KIAA0586: variants seen among roughly 807,000 people sequenced by gnomAD.
KIAA0586 encodes the protein KIAA0586.
A neutral mutation model predicts 169.8 loss-of-function variants in KIAA0586; 144 were observed. The ratio of observed to expected loss-of-function variants is 0.85; its 90% confidence interval spans 0.74 to 0.97. The LOEUF (loss-of-function observed/expected upper bound fraction) is 0.97, where lower values mean the gene tolerates loss of function less well. KIAA0586 is among the 50% of genes least tolerant of loss of function. The probability of loss-of-function intolerance (pLI) is 0.00; values close to 1 mark genes in which losing one functional copy is unlikely to be tolerated. For missense variants in KIAA0586, 1,854 were observed against 1,823.0 expected, an observed-to-expected ratio of 1.02 and a Z score of -0.31; for synonymous variants, 625 against 612.4, an observed-to-expected ratio of 1.02 and a Z score of -0.30.
rs1400135880 is a variant in KIAA0586, at chr14:58,488,776, G to A, written c.3683G>A (p.Ser1228Asn). The change falls in exon 24 of 31, where the codon AGC becomes AAC. Residue 1228 changes from serine (S) to asparagine (N), a missense_variant. Ser to Asn is a conservative substitution (Grantham distance 46). Coordinates refer to ENST00000652326, the MANE Select transcript of KIAA0586 (RefSeq NM_001329943.3). ...GGTTCTGATTCATCAACACTGGAGA[G>A]CACATTGAGTGTTACTGTCACTGAA... is the stretch of plus-strand genomic sequence containing the variant. ...MPGSDSSTLE[S>N]TLSVTVTETE... 1 of 1,613,820 alleles carries A rather than the reference G, an allele frequency of 6.2e-7. No individual in the cohort carries two copies. Among genetic ancestry groups the A allele is most frequent in the African/African-American group, 1.3e-5 (1 of 75,012 alleles).
intron 6 of KIAA0586, among the ~76,000 whole-genome samples, chr14:58,448,077 GA>G (rs2039053937): frequency 6.6e-6 from 1 of 152,150 alleles, no homozygotes; most frequent in Non-Finnish European, 1.5e-5. Flanking sequence ...TGGTAGAAAG[GA>G]CAGCACTGAG....
chr14:58,486,828 A>G (rs1219385589), intron 21 of KIAA0586, among the ~76,000 whole-genome samples, 179 bp from the exon 22 acceptor site: 1 of 152,200 alleles, frequency 6.6e-6, no homozygotes, highest in Non-Finnish European at 1.5e-5. Context: ...AGTTATTTCA[A>G]TTGCCTGAGA....
At chr14:58,538,675 A>ATT (rs76998508) in intron 29 of KIAA0586, among the ~76,000 whole-genome samples, 3 of 133,670 alleles carry the variant, frequency 2.2e-5, no homozygotes, top group African/African-American at 2.8e-5. Flanking sequence ...CATTCTTTCT[A>ATT]TTTTTTTTTT....
intron 14 of KIAA0586, chr14:58,463,950 C>T: frequency 4.7e-6 from 2 of 427,482 alleles, no homozygotes; most frequent in East Asian, 7.7e-5. Flanking sequence ...ATGGCCAAGA[C>T]TGACCCCAAG....
chr14:58,459,342 CAGA>C (rs1595185900), intron 12 of KIAA0586, among the ~76,000 whole-genome samples: 2 of 152,194 alleles, frequency 1.3e-5, no homozygotes, highest in East Asian at 3.9e-4. Flanking sequence ...AACTAAGAGT[CAGA>C]AGATTTGGAG....
At chr14:58,556,381 T>C in the KIAA0586 span, among the ~76,000 whole-genome samples, 4 of 152,276 alleles carry the variant, frequency 2.6e-5, no homozygotes. Context: ...AGATTTGATC[T>C]GGGCATTCTT....
chr14:58,537,368 G>T (rs1399701672), intron 29 of KIAA0586: 2 of 166,226 alleles, frequency 1.2e-5, no homozygotes, highest in Non-Finnish European at 2.5e-5. Context: ...CCTTTAGGTG[G>T]CATACTCTGC....
chr14:58,559,652 A>G, the KIAA0586 span, among the ~76,000 whole-genome samples: 1 of 152,288 alleles, frequency 6.6e-6, no homozygotes, highest in East Asian at 1.9e-4. Flanking sequence ...GTCCATCACC[A>G]ATCTTTCCAC....
At chr14:58,485,471 C>T (rs1256795158) in intron 21 of KIAA0586, among the ~76,000 whole-genome samples, 4 of 152,148 alleles carry the variant, frequency 2.6e-5, no homozygotes, top group Non-Finnish European at 5.9e-5. Context: ...AGTAGGAAAT[C>T]TGGCAATATC....
intron 26 of KIAA0586, among the ~76,000 whole-genome samples, chr14:58,495,854 G>A (rs2043127519): frequency 6.6e-6 from 1 of 151,922 alleles, no homozygotes; most frequent in Non-Finnish European, 1.5e-5. Flanking sequence ...TCTAGATTTA[G>A]ATACTAAGGC....
At chr14:58,431,318 A>G (rs944031273) in intron 3 of KIAA0586, among the ~76,000 whole-genome samples, 11 of 152,144 alleles carry the variant, frequency 7.2e-5, no homozygotes, top group African/African-American at 2.7e-4. Context: ...GCTGGGGTGC[A>G]GTGGCGTAAT....
intron 10 of KIAA0586, 126 bp downstream of exon 10, chr14:58,456,936 C>T: frequency 1.6e-6 from 1 of 618,758 alleles, no homozygotes; most frequent in South Asian, 2.1e-5. Flanking sequence ...ATATGTCAGC[C>T]ACATCTGTTC....
At chr14:58,551,390 A>G (rs540373092), downstream of KIAA0586, 4 of 152,262 alleles carry the variant, frequency 2.6e-5, no homozygotes, top group East Asian at 3.9e-4. Flanking sequence ...TTGTTTTTCT[A>G]TTAACTCAAA....
Position 58,428,062 on chromosome 14 carries a change from T to A in KIAA0586, c.-203T>A. On this transcript the variant is annotated 5_prime_UTR_variant, in exon 1 of 31. An upstream open reading frame in the 5' UTR loses its in-frame stop. Transcript: ENST00000652326. ...ATTTTGGCGTGGTGTATTAATAGAC[T>A]GAGTGGGATTAATGGGTAAATATGA... The A allele has an allele frequency of 6.9e-7, 1 of 1,442,602 alleles. No homozygotes were observed. The highest frequency in any genetic ancestry group is 2.5e-5 in the East Asian group (1 of 40,024). 89.4% of individuals were successfully genotyped at this position (1,442,602 alleles called of 1,614,324 possible). A position where few individuals can be genotyped will look rare whatever the true frequency, so the allele number is the denominator to read the frequency against.
At chr14:58,433,782 A>T (rs1256093231) in intron 4 of KIAA0586, among the ~76,000 whole-genome samples, 1 of 152,148 alleles carries the variant, frequency 6.6e-6, no homozygotes, top group Non-Finnish European at 1.5e-5. Flanking sequence ...TTGGGAGTCC[A>T]AGACAGGAGG....
At position 58,467,493 on chromosome 14, in the gene KIAA0586, A is replaced by G. The variant is rs1443492443; in HGVS notation, c.2255-242A>G. Reference sequence around the variant, plus strand: ...ATGTGGATAGTATTAATAGCTTTCTATTAGCCTTTATTTTGAGGTTTAAAT... The same window carrying G: ...ATGTGGATAGTATTAATAGCTTTCTGTTAGCCTTTATTTTGAGGTTTAAAT... On this transcript the variant is annotated intron_variant, in intron 15 of 30. Transcript: ENST00000652326. Among the ~76,000 whole-genome samples, 4 of 152,184 alleles carry G rather than the reference A, an allele frequency of 2.6e-5. No homozygotes were observed. In the East Asian group the frequency reaches 7.7e-4, roughly 29 times the overall value.
Position 58,427,804 on chromosome 14 carries a change from A to C in KIAA0586, c.-461A>C, listed in dbSNP as rs2036955491. 1.3e-6 allele frequency: 2 copies of C among 1,504,314 alleles called. No individual in the cohort carries two copies. The highest frequency in any genetic ancestry group is 2.1e-5 in the Admixed American group (1 of 47,676). 93.2% of individuals were successfully genotyped at this position (1,504,314 alleles called of 1,614,324 possible). On this transcript the variant is annotated 5_prime_UTR_variant, in exon 1 of 31. Coordinates refer to ENST00000652326, the MANE Select transcript of KIAA0586 (RefSeq NM_001329943.3). The stretch of plus-strand genomic sequence containing the variant: ...GTGAATTTATGTTTCCGACGATTGC[A>C]TCTGGAGGGGTGTGTAAGACTCTGT...
At position 58,451,529 on chromosome 14, in the gene KIAA0586, G is replaced by A. The variant is rs553881874; in HGVS notation, c.1129+783G>A. ...GATGTGAGCCACTGTGCCTGGGCAA[G>A]TTTTGTTATTAATAAATAAAAAACA... On this transcript the variant is annotated intron_variant, in intron 8 of 30. Transcript: ENST00000652326. Among the ~76,000 whole-genome samples, 30 of 152,146 alleles carry A rather than the reference G, an allele frequency of 2.0e-4. No homozygotes were observed. In the South Asian group the frequency reaches 6.0e-3, roughly 31 times the overall value.
chr14:58,561,193 C>CG, the KIAA0586 span, among the ~76,000 whole-genome samples: 1 of 152,022 alleles, frequency 6.6e-6, no homozygotes, highest in Non-Finnish European at 1.5e-5. Flanking sequence ...ACAGAGAAAG[C>CG]GTGTGTGTGT....
Sources: gnomAD v4.1 joint callset for allele counts (sites outside exome capture counted in the v4.1 genomes callset) on GRCh38, gnomAD v4.1.1 for gene constraint, MANE v1.5 for transcripts, NCBI Gene and HGNC (gene_info 2026-07-23, HGNC 2026-07-21) for gene names.